Variants in MARCHF10 observed in about 807,000 individuals in gnomAD.
MARCHF10 encodes the protein membrane associated ring-CH-type finger 10.
Under a neutral mutation model 76.2 loss-of-function variants are expected in MARCHF10, and 64 were observed. That is an observed-to-expected ratio of 0.84 (90% CI 0.69 to 1.03). The LOEUF (loss-of-function observed/expected upper bound fraction) is 1.03. Among genes scored for constraint, MARCHF10 ranks in the 50% least tolerant of loss-of-function variants. The pLI, the probability that MARCHF10 is intolerant of heterozygous loss-of-function variation, is 0.00. For missense variants in MARCHF10, 875 were observed against 958.0 expected (o/e 0.91, Z 1.14); for synonymous variants, 340 against 357.5 (o/e 0.95, Z 0.55).
chr17:62,786,491 C>T (rs2092749458), intron 3 of MARCHF10, among the ~76,000 whole-genome samples: 3 of 152,230 alleles, frequency 2.0e-5, no homozygotes, highest in South Asian at 4.2e-4. Flanking sequence ...TGTAACAAAC[C>T]TGCACGTTGT....
intron 3 of MARCHF10, among the ~76,000 whole-genome samples, chr17:62,783,187 A>G (rs1235217359): frequency 1.5e-5 from 2 of 136,386 alleles, no homozygotes; most frequent in African/African-American, 5.9e-5. Context: ...TAGAGGAAAA[A>G]TTGCCAGTTT....
intron 8 of MARCHF10, among the ~76,000 whole-genome samples, chr17:62,719,117 A>T (rs1249005059): frequency 6.6e-6 from 1 of 152,252 alleles, no homozygotes; most frequent in African/African-American, 2.4e-5. Flanking sequence ...TTGACTGCTT[A>T]TAAAGTGGAA....
intron 2 of MARCHF10, 91 bp downstream of exon 2, chr17:62,801,555 T>C (rs1026424038): frequency 8.4e-6 from 10 of 1,188,190 alleles, no homozygotes; most frequent in Non-Finnish European, 1.1e-5. Flanking sequence ...TAGAAAACTT[T>C]TACTGCTTAT....
At chr17:62,801,833 G>A in intron 1 of MARCHF10, 81 bp from the exon 2 acceptor site, 1 of 1,028,554 alleles carries the variant, frequency 9.7e-7, no homozygotes, top group Non-Finnish European at 1.5e-6. Flanking sequence ...TCATCTAATT[G>A]CTTTTATTTG....
intron 3 of MARCHF10, among the ~76,000 whole-genome samples, chr17:62,778,028 A>C (rs1423414704): frequency 6.6e-6 from 1 of 152,224 alleles, no homozygotes; most frequent in Non-Finnish European, 1.5e-5. Flanking sequence ...GGCATTGGAA[A>C]TATAACCACA....
chr17:62,722,197 C>T (rs966219155), intron 8 of MARCHF10, among the ~76,000 whole-genome samples: 3 of 147,500 alleles, frequency 2.0e-5, no homozygotes, highest in Non-Finnish European at 4.5e-5. Context: ...GTGGGAGGAT[C>T]GCTTGAACCT....
intron 6 of MARCHF10, among the ~76,000 whole-genome samples, chr17:62,727,204 T>A (rs986496823): frequency 2.0e-5 from 3 of 152,214 alleles, no homozygotes; most frequent in African/African-American, 7.2e-5. Flanking sequence ...AATATCTGAC[T>A]CTTAACTTAA....
Position 62,736,736 on chromosome 17 carries a change from CGGGGTCTTG to C in MARCHF10, c.1123_1131del (p.Gln375_Pro377del), listed in dbSNP as rs764047602. 9.7e-5 allele frequency: 157 copies of C among 1,614,030 alleles called. No homozygotes were observed. Among genetic ancestry groups the C allele is most frequent in the Non-Finnish European group, 1.3e-4 (149 of 1,180,026 alleles). ...GTAGCAGATTCCCTATCAGGCAGCC[CGGGGTCTTG>C]GGACAACCTTTGCCCAGCAGAAGGC... On this transcript the variant is annotated inframe_deletion, in exon 6 of 11. Transcript: ENST00000311269.
rs534859652 is a variant in MARCHF10 at position 62,774,392 on chromosome 17, C to A, written c.210+14088G>T. On this transcript the variant is annotated intron_variant, in intron 3 of 10. Coordinates refer to ENST00000311269, the MANE Select transcript of MARCHF10 (RefSeq NM_152598.4). ...ACTGAACTGCCTGCCAAAGTCTGCACTGCCAGGGGACTAACAGTGGCAGGA... is the reference window on the plus strand; with the variant it reads ...ACTGAACTGCCTGCCAAAGTCTGCAATGCCAGGGGACTAACAGTGGCAGGA... Among the ~76,000 whole-genome samples, 16 of 152,224 alleles carry A rather than the reference C, an allele frequency of 1.1e-4. 1 individual carries two copies. In the South Asian group the frequency reaches 2.9e-3, roughly 28 times the overall value.
intron 4 of MARCHF10, among the ~76,000 whole-genome samples, chr17:62,749,620 AGAG>A (rs1260513843): frequency 2.6e-5 from 4 of 152,238 alleles, no homozygotes; most frequent in Non-Finnish European, 5.9e-5. Context: ...TCATGTACCC[AGAG>A]GAGATCTTAA....
intron 3 of MARCHF10, among the ~76,000 whole-genome samples, chr17:62,786,317 G>T (rs1056911187): frequency 1.7e-4 from 26 of 149,326 alleles, no homozygotes; most frequent in Admixed American, 6.7e-5. Context: ...TCACTCATAG[G>T]TGGGAATTGA....
chr17:62,807,057 T>C (rs2093174776), intron 1 of MARCHF10, among the ~76,000 whole-genome samples: 1 of 152,188 alleles, frequency 6.6e-6, no homozygotes, highest in African/African-American at 2.4e-5. Context: ...TACCGGACAA[T>C]CAGGCTCGAA....
intron 2 of MARCHF10, among the ~76,000 whole-genome samples, chr17:62,793,449 C>A (rs2092915461): frequency 1.5e-5 from 2 of 133,930 alleles, no homozygotes; most frequent in Non-Finnish European, 1.6e-5. Context: ...CCATCACCAC[C>A]ATCACCACCA....
intron 3 of MARCHF10, among the ~76,000 whole-genome samples, chr17:62,768,227 C>T (rs1224810590): frequency 6.6e-6 from 1 of 152,108 alleles, no homozygotes; most frequent in African/African-American, 2.4e-5. Context: ...AGAATTGTAC[C>T]ATTCATATGG....
chr17:62,765,631 T>C (rs980931756), intron 3 of MARCHF10, among the ~76,000 whole-genome samples: 2 of 152,114 alleles, frequency 1.3e-5, no homozygotes, highest in African/African-American at 4.8e-5. Context: ...GCGATTACTA[T>C]TCAGCCCACT....
intron 4 of MARCHF10, among the ~76,000 whole-genome samples, chr17:62,756,917 T>G (rs548215314): frequency 6.6e-6 from 1 of 152,334 alleles, no homozygotes; most frequent in South Asian, 2.1e-4. Context: ...AAACTTAATT[T>G]AAACGTGTGA....
At chr17:62,765,109 G>A (rs1490733529) in intron 3 of MARCHF10, among the ~76,000 whole-genome samples, 2 of 152,088 alleles carry the variant, frequency 1.3e-5, no homozygotes, top group Non-Finnish European at 2.9e-5. Flanking sequence ...CACTTTGGGA[G>A]GCCAAGGCAG....
At chr17:62,780,130 A>G (rs2092629997) in intron 3 of MARCHF10, among the ~76,000 whole-genome samples, 1 of 151,350 alleles carries the variant, frequency 6.6e-6, no homozygotes, top group Admixed American at 6.6e-5. Flanking sequence ...AAAAAATAAT[A>G]TGGCAGCCAC....
At chr17:62,729,821 A>G (rs2090936787) in intron 6 of MARCHF10, among the ~76,000 whole-genome samples, 1 of 152,002 alleles carries the variant, frequency 6.6e-6, no homozygotes, top group African/African-American at 2.4e-5. Context: ...TGATCCTCCC[A>G]CCTTGGCCTC....
Sources: allele counts gnomAD v4.1 joint callset (sites outside exome capture counted in the v4.1 genomes callset), GRCh38; gene constraint gnomAD v4.1.1; transcripts MANE v1.5; gene names NCBI Gene and HGNC (gene_info 2026-07-23, HGNC 2026-07-21).